The following CNNM1 variants were observed in gnomAD, a reference collection of about 807,000 sequenced individuals.
CNNM1 encodes cyclin and CBS domain divalent metal cation transport mediator 1.
Under a neutral mutation model 78.8 loss-of-function variants are expected in CNNM1, and 44 were observed. The observed-to-expected ratio is 0.56, with a 90% CI of 0.44 to 0.72. The LOEUF (loss-of-function observed/expected upper bound fraction) is 0.72, where lower values mean the gene tolerates loss of function less well. Among genes scored for constraint, CNNM1 ranks in the 30% least tolerant of loss-of-function variants. The pLI, the probability that CNNM1 is intolerant of heterozygous loss-of-function variation, is 0.00. For synonymous variants in CNNM1, 584 were observed against 581.5 expected (o/e 1.00, Z -0.06); for missense variants, 1,101 against 1,292.2 (o/e 0.85, Z 2.27).
chr10:99,330,737 C>G lies in CNNM1; in HGVS notation c.1350C>G (p.Phe450Leu). The change falls in exon 1 of 11, where the codon TTC (phenylalanine) becomes TTG (leucine). Residue 450 changes from phenylalanine (F) to leucine (L), a missense_variant. This residue lies in a region of CNNM1 where 277 missense variants were observed against 423.2 expected (regional missense o/e 0.65). Transcript: ENST00000356713. Reference sequence around the variant, plus strand: ...TGCGCTCAGACGCGGTGCTCGACTTCGCCACTGTCTCCGAGATCCTGCGCA... The same window carrying G: ...TGCGCTCAGACGCGGTGCTCGACTTGGCCACTGTCTCCGAGATCCTGCGCA... The part of the protein sequence containing the change: ...FMLRSDAVLD[F>L]ATVSEILRSG... The G allele has an allele frequency of 6.2e-7, 1 of 1,614,032 alleles. No homozygotes were observed. The highest frequency in any genetic ancestry group is 8.5e-7 in the Non-Finnish European group (1 of 1,179,906).
chr10:99,366,008 C>T (rs2031604633), intron 6 of CNNM1, among the ~76,000 whole-genome samples: 1 of 152,170 alleles, frequency 6.6e-6, no homozygotes, highest in Non-Finnish European at 1.5e-5. Flanking sequence ...CAATAAAATA[C>T]AGATTTCAGA....
At chr10:99,384,770 TAAAAAC>T (rs564258570) in intron 7 of CNNM1, among the ~76,000 whole-genome samples, 1 of 152,184 alleles carries the variant, frequency 6.6e-6, no homozygotes, top group South Asian at 2.1e-4. Flanking sequence ...CATTGTTTTT[TAAAAAC>T]AAAAAGAGGC....
chr10:99,346,247 G>A (rs568969878), intron 1 of CNNM1, among the ~76,000 whole-genome samples: 1 of 152,190 alleles, frequency 6.6e-6, no homozygotes, highest in East Asian at 1.9e-4. Flanking sequence ...CCAAAAGGAT[G>A]AATGGTTAGG....
At chr10:99,332,585 A>C (rs188982276) in intron 1 of CNNM1, among the ~76,000 whole-genome samples, 2 of 152,214 alleles carry the variant, frequency 1.3e-5, no homozygotes, top group Non-Finnish European at 2.9e-5. Flanking sequence ...ATTCAATCTC[A>C]CTACTTTAAC....
chr10:99,342,800 G>A (rs781723548), intron 1 of CNNM1, among the ~76,000 whole-genome samples: 4 of 151,836 alleles, frequency 2.6e-5, no homozygotes, highest in Non-Finnish European at 4.4e-5. Flanking sequence ...AAACACAAGA[G>A]GCTCTAACAG....
intron 6 of CNNM1, 175 bp downstream of exon 6, chr10:99,365,177 G>A (rs775897775): frequency 7.2e-5 from 51 of 706,880 alleles, no homozygotes; most frequent in Non-Finnish European, 1.2e-4. Flanking sequence ...ACAGACCATG[G>A]GAGCTTAGGT....
intron 1 of CNNM1, among the ~76,000 whole-genome samples, chr10:99,347,326 C>T (rs779962108): frequency 6.6e-6 from 1 of 151,880 alleles, no homozygotes; most frequent in Non-Finnish European, 1.5e-5. Flanking sequence ...CAAAACTAAC[C>T]TGGCCAAGAT....
chr10:99,348,052 T>TATA (rs56800200), intron 1 of CNNM1, among the ~76,000 whole-genome samples: 56 of 96,340 alleles, frequency 5.8e-4, no homozygotes, highest in African/African-American at 8.8e-4. Flanking sequence ...ATATATATAT[T>TATA]TTTTTTTTTT....
At chr10:99,337,327 G>A (rs2030234256) in intron 1 of CNNM1, among the ~76,000 whole-genome samples, 1 of 152,182 alleles carries the variant, frequency 6.6e-6, no homozygotes, top group South Asian at 2.1e-4. Flanking sequence ...GGCTAAGCTG[G>A]TAAGGCAGCC....
At chr10:99,333,836 T>C (rs1371537174) in intron 1 of CNNM1, among the ~76,000 whole-genome samples, 3 of 152,232 alleles carry the variant, frequency 2.0e-5, no homozygotes, top group Admixed American at 1.3e-4. Context: ...AAAGTTGATA[T>C]TGATCTGAAA....
At chr10:99,382,037 G>T (rs1348521746) in intron 7 of CNNM1, among the ~76,000 whole-genome samples, 2 of 152,118 alleles carry the variant, frequency 1.3e-5, no homozygotes, top group Non-Finnish European at 2.9e-5. Flanking sequence ...TAACATGAGG[G>T]TTTTGGGGGA....
intron 6 of CNNM1, among the ~76,000 whole-genome samples, chr10:99,376,036 A>G (rs2031949926): frequency 6.6e-6 from 1 of 152,212 alleles, no homozygotes; most frequent in African/African-American, 2.4e-5. Flanking sequence ...CTAAGCATTC[A>G]GGAGATCTTT....
intron 9 of CNNM1, among the ~76,000 whole-genome samples, chr10:99,389,497 A>G (rs1333423711): frequency 6.6e-6 from 1 of 152,126 alleles, no homozygotes; most frequent in Non-Finnish European, 1.5e-5. Flanking sequence ...AATCTGGGAC[A>G]TACATAGTCA....
chr10:99,352,944 A>G (rs2031000875), intron 1 of CNNM1, among the ~76,000 whole-genome samples: 1 of 151,528 alleles, frequency 6.6e-6, no homozygotes, highest in Admixed American at 6.6e-5. Flanking sequence ...GTTTTTTTCT[A>G]AGAGTTTTAT....
rs557226816 is a variant in CNNM1 at position 99,366,926 on chromosome 10, C to T, written c.2176+1924C>T. On this transcript the variant is annotated intron_variant, in intron 6 of 10. Transcript: ENST00000356713. ...TGCAACATTGATTTCTCCTTTAAAA[C>T]TAGTTAACTGAAAAGAAACATAGCA... Among the ~76,000 whole-genome samples the T allele has an allele frequency of 1.2e-4, 18 of 152,302 alleles. No individual in the cohort carries two copies. In the East Asian group the frequency reaches 3.5e-3, roughly 29 times the overall value.
rs1044720732 is a variant in CNNM1, at chr10:99,388,167, G to A, written c.2540G>A (p.Gly847Glu). 3.7e-6 allele frequency: 6 copies of A among 1,613,798 alleles called. No homozygotes were observed. The highest frequency in any genetic ancestry group is 4.2e-6 in the Non-Finnish European group (5 of 1,179,890). ...TCCTCCCCAGGCAGCCGCTCAGACG[G>A]GCTGAGAAGCCCCAGCGAGGTAGTG... Reference protein sequence around the residue: ...RNSLPCSRSDGLRSPSEVVYL... With the variant: ...RNSLPCSRSDELRSPSEVVYL... Residue 847 changes from glycine to glutamate, a missense_variant, in exon 9 of 11, where the codon GGG becomes GAG. Coordinates refer to ENST00000356713, the MANE Select transcript of CNNM1 (RefSeq NM_020348.3).
chr10:99,345,760 C>G (rs2030662874), intron 1 of CNNM1, among the ~76,000 whole-genome samples: 1 of 152,162 alleles, frequency 6.6e-6, no homozygotes, highest in East Asian at 1.9e-4. Context: ...TTGAAGCTTT[C>G]CAGAAATCCT....
intron 7 of CNNM1, among the ~76,000 whole-genome samples, chr10:99,386,033 A>C (rs2032293614): frequency 1.3e-5 from 2 of 152,316 alleles, no homozygotes; most frequent in South Asian, 2.1e-4. Flanking sequence ...CAACAGAGGG[A>C]ATTGCAAAAG....
intron 1 of CNNM1, among the ~76,000 whole-genome samples, chr10:99,346,941 A>G (rs1218079019): frequency 6.6e-6 from 1 of 152,124 alleles, no homozygotes; most frequent in Non-Finnish European, 1.5e-5. Flanking sequence ...CAGTTTAGCA[A>G]ATGAACGCAG....
Sources: gnomAD v4.1 joint callset for allele counts (sites outside exome capture counted in the v4.1 genomes callset) on GRCh38, gnomAD v4.1.1 for gene constraint, gnomAD v4.1.1 regional missense constraint, MANE v1.5 for transcripts, NCBI Gene and HGNC (gene_info 2026-07-23, HGNC 2026-07-21) for gene names.